The following ARHGAP36 variants were observed in gnomAD, a reference collection of about 807,000 sequenced individuals.
ARHGAP36 encodes the protein Rho GTPase activating protein 36.
Under a neutral mutation model 32.9 loss-of-function variants are expected in ARHGAP36, and 7 were observed. The ratio of observed to expected loss-of-function variants is 0.21; its 90% CI spans 0.12 to 0.40. The LOEUF is 0.40. Ranked by LOEUF, ARHGAP36 falls within the 10% of genes least tolerant of loss-of-function variation. ARHGAP36 has a pLI of 1.00. For missense variants in ARHGAP36, 383 were observed against 442.2 expected (o/e 0.87, Z 1.20); for synonymous variants, 165 against 168.3 (o/e 0.98, Z 0.15).
chrX:131,080,451 C>T (rs139774729), intron 1 of ARHGAP36, among the ~76,000 whole-genome samples: 2,146 of 110,358 alleles, frequency 0.019, 22 homozygotes, highest in Non-Finnish European at 0.029. Flanking sequence ...CAATCTTTAG[C>T]GCCTGGCACA....
At chrX:131,082,703 A>G (rs1305872865) in intron 2 of ARHGAP36, among the ~76,000 whole-genome samples, 1 of 113,027 alleles carries the variant, frequency 8.8e-6, no homozygotes, top group Non-Finnish European at 1.9e-5. Flanking sequence ...GGGGACAGCC[A>G]GGTGTCGCCG....
rs974805626 is a variant in ARHGAP36, at chrX:131,085,926, G to A, written c.1118G>A (p.Arg373His). ...TCCTTTGCCTAGGTCCCAGGCAACC[G>A]TATGACTTCCACTAACTTGGCCTTG... Reference protein sequence around the residue: ...GIDGQLVPGNRMTSTNLALVF... With the variant: ...GIDGQLVPGNHMTSTNLALVF... Residue 373 changes from arginine to histidine, a missense_variant, in exon 9 of 12, where the codon CGT becomes CAT. Arg to His is a conservative substitution (Grantham distance 29, BLOSUM62 0). Coordinates refer to ENST00000276211, the MANE Select transcript of ARHGAP36 (RefSeq NM_144967.4). The A allele has an allele frequency of 1.2e-5, 15 of 1,209,500 alleles. No individual in the cohort carries two copies. In the Admixed American group the frequency reaches 1.3e-4, roughly 11 times the overall value.
intron 1 of ARHGAP36, among the ~76,000 whole-genome samples, chrX:131,062,308 T>G (rs768312513): frequency 8.9e-6 from 1 of 112,470 alleles, no homozygotes; most frequent in Non-Finnish European, 1.9e-5. Flanking sequence ...CTAAAGTCTA[T>G]GAAGTTTGTT....
At chrX:131,071,032 A>G (rs762809647) in intron 1 of ARHGAP36, among the ~76,000 whole-genome samples, 8 of 110,795 alleles carry the variant, frequency 7.2e-5, no homozygotes, top group African/African-American at 2.0e-4. Context: ...ACGTACTCCA[A>G]TGTTTTGTGT....
chrX:131,087,131 G>C (rs2079839691), intron 11 of ARHGAP36, among the ~76,000 whole-genome samples: 2 of 111,361 alleles, frequency 1.8e-5, no homozygotes, highest in South Asian at 7.7e-4. Context: ...CTAGAAGAAG[G>C]AGCAGATTTT....
Position 131,083,877 on chromosome X carries a change from G to A in ARHGAP36, c.463G>A (p.Val155Met). 8.2e-7 allele frequency: 1 copy of A among 1,212,221 alleles called. No individual in the cohort carries two copies. The highest frequency in any genetic ancestry group is 1.1e-6 in the Non-Finnish European group (1 of 895,660). Residue 155 changes from valine (V) to methionine (M), a missense_variant, in exon 4 of 12, where the codon GTG becomes ATG. Val to Met is a conservative substitution (Grantham distance 21, BLOSUM62 1). This residue lies in a region of ARHGAP36 where 156 missense variants were observed against 131.0 expected (regional missense o/e 1.19). Transcript: ENST00000276211. ...QAAGRRRGNV[V>M]RRVFGRIRRF... ...TGCGGGCCGTCGTCGGGGAAACGTG[G>A]TGCGAAGGGTGTTTGGCCGCATCCG... is the stretch of plus-strand genomic sequence containing the variant.
chrX:131,060,295 G>C (rs1168057693), intron 1 of ARHGAP36, among the ~76,000 whole-genome samples: 4 of 111,944 alleles, frequency 3.6e-5, no homozygotes, highest in African/African-American at 1.3e-4. Context: ...GTCCTGGAAA[G>C]CTGACTTTCC....
At chrX:131,067,628 C>G (rs371870793) in intron 1 of ARHGAP36, among the ~76,000 whole-genome samples, 1 of 112,050 alleles carries the variant, frequency 8.9e-6, no homozygotes, top group South Asian at 3.7e-4. Context: ...TTTAGACAAC[C>G]CTGTACTCTC....
At chrX:131,071,131 A>G (rs1246343042) in intron 1 of ARHGAP36, among the ~76,000 whole-genome samples, 1 of 109,993 alleles carries the variant, frequency 9.1e-6, no homozygotes, top group East Asian at 2.9e-4. Context: ...GGCCAGAGGG[A>G]GGGGCTGCAG....
Position 131,086,595 on chromosome X carries a change from T to G in ARHGAP36, c.1416T>G (p.Leu472=). 8.3e-7 allele frequency: 1 copy of G among 1,212,031 alleles called. No homozygotes were observed. Among genetic ancestry groups the G allele is most frequent in the South Asian group, 1.8e-5 (1 of 56,990 alleles). Residue 472 remains leucine, a synonymous_variant, in exon 11 of 12, where the codon CTT becomes CTG. Coordinates refer to ENST00000276211, the MANE Select transcript of ARHGAP36 (RefSeq NM_144967.4). Reference sequence around the variant, plus strand: ...TAAAGATGGAAGAGGATGCACTACTTTCTGATCCAGTGGAAACCTCTGCTG... The same window carrying G: ...TAAAGATGGAAGAGGATGCACTACTGTCTGATCCAGTGGAAACCTCTGCTG... The part of the protein sequence containing the change: ...ARIKMEEDAL[L]SDPVETSAEA...
intron 1 of ARHGAP36, among the ~76,000 whole-genome samples, chrX:131,079,758 C>A (rs2079785428): frequency 9.0e-6 from 1 of 110,974 alleles, no homozygotes; most frequent in South Asian, 3.8e-4. Context: ...TAACTACTTC[C>A]TTTCTTGGCA....
In ARHGAP36 at chrX:131,081,571, GT is replaced by G; in HGVS notation, c.-91del. On this transcript the variant is annotated 5_prime_UTR_variant, in exon 2 of 12. Transcript: ENST00000276211. Reference sequence around the variant, plus strand: ...TGCTTGAGGGTGAAGCCGCCTCCCAGTTTTCCCTCCCCCTCTACCCCCACCC... The same window carrying G: ...TGCTTGAGGGTGAAGCCGCCTCCCAGTTTCCCTCCCCCTCTACCCCCACCC... The G allele has an allele frequency of 9.1e-7, 1 of 1,101,477 alleles. No individual in the cohort carries two copies. The allele number at this position is 1,101,477 out of a possible 1,213,427, so 90.8% of individuals were successfully genotyped here.
chrX:131,081,198 A>C (rs967396455), intron 1 of ARHGAP36, among the ~76,000 whole-genome samples: 7 of 109,381 alleles, frequency 6.4e-5, no homozygotes, highest in Non-Finnish European at 9.5e-5. Context: ...CCATGTGTCC[A>C]TTTTGTTTTC....
In ARHGAP36 at chrX:131,086,567, G is replaced by A. The variant is rs149641570; in HGVS notation, c.1388G>A (p.Arg463His). ...AAATCCTTCCCATTCAGGAGTGCAC[G>A]CATAAAGATGGAAGAGGATGCACTA... ...RRNLRKIQSA[R>H]IKMEEDALLS... is the part of the protein sequence containing the mutation. Residue 463 changes from arginine (R) to histidine (H), a missense_variant, in exon 11 of 12, where the codon CGC (arginine) becomes CAC (histidine). Arg to His is a conservative substitution (Grantham distance 29). Coordinates refer to ENST00000276211, the MANE Select transcript of ARHGAP36 (RefSeq NM_144967.4). 1 of 1,210,682 alleles carries A rather than the reference G, an allele frequency of 8.3e-7. No individual in the cohort carries two copies. Among genetic ancestry groups the A allele is most frequent in the Non-Finnish European group, 1.1e-6 (1 of 894,575 alleles).
chrX:131,076,760 C>T (rs1326056598), intron 1 of ARHGAP36, among the ~76,000 whole-genome samples: 2 of 112,058 alleles, frequency 1.8e-5, no homozygotes, highest in East Asian at 5.6e-4. Flanking sequence ...TGGGAAAACC[C>T]CTGTCTCTCT....
At chrX:131,084,873 G>T (rs1381054210) in intron 6 of ARHGAP36, 41 bp from the exon 7 acceptor site, 8 of 1,203,304 alleles carry the variant, frequency 6.6e-6, no homozygotes, top group Non-Finnish European at 9.0e-6. Flanking sequence ...ATGGAGCTGT[G>T]GTGGGCCAGG....
chrX:131,068,679 C>A (rs1401149792), intron 1 of ARHGAP36, among the ~76,000 whole-genome samples: 1 of 101,558 alleles, frequency 9.8e-6, no homozygotes, highest in Admixed American at 1.1e-4. Context: ...CCCACCCGCC[C>A]CCACCCCCCG....
chrX:131,078,612 A>T (rs2079777549), intron 1 of ARHGAP36: 3 of 433,953 alleles, frequency 6.9e-6, no homozygotes, highest in Admixed American at 8.0e-5. Context: ...AGATCCTGTT[A>T]TGTGCCTCTC....
intron 11 of ARHGAP36, 78 bp downstream of exon 11, chrX:131,086,743 G>A (rs949695814): frequency 8.9e-6 from 8 of 903,856 alleles, no homozygotes; most frequent in Middle Eastern, 3.6e-4. Context: ...TGAAGGCCAG[G>A]TCGTTGCTGA....
Sources: gnomAD v4.1 joint callset for allele counts (sites outside exome capture counted in the v4.1 genomes callset) on GRCh38, gnomAD v4.1.1 for gene constraint, gnomAD v4.1.1 regional missense constraint, MANE v1.5 for transcripts, NCBI Gene and HGNC (gene_info 2026-07-23, HGNC 2026-07-21) for gene names.